ARMH3: variants seen among roughly 807,000 people sequenced by gnomAD.
The protein encoded by ARMH3 is armadillo-like helical domain-containing protein 3.
ARMH3 carries 60 observed loss-of-function variants against 99.1 expected under a neutral mutation model. The ratio of observed to expected loss-of-function variants is 0.61; its 90% CI spans 0.49 to 0.75. ARMH3 has a LOEUF of 0.75. ARMH3 is among the 30% of genes least tolerant of loss of function. The pLI is 0.00. For missense variants in ARMH3, 679 were observed against 843.1 expected (o/e 0.81, Z 2.41); for synonymous variants, 285 against 292.8 (o/e 0.97, Z 0.27).
intron 15 of ARMH3, 104 bp downstream of exon 15, chr10:102,001,867 A>G: frequency 9.7e-7 from 1 of 1,034,344 alleles, no homozygotes; most frequent in Non-Finnish European, 1.5e-6. Context: ...ACAAGGCCCC[A>G]ATAGTTCATC....
At chr10:101,960,567 T>A (rs914966178) in intron 20 of ARMH3, among the ~76,000 whole-genome samples, 2 of 152,158 alleles carry the variant, frequency 1.3e-5, no homozygotes, top group Non-Finnish European at 2.9e-5. Flanking sequence ...TAGGACCTTG[T>A]CACCTGTTTA....
intron 19 of ARMH3, among the ~76,000 whole-genome samples, chr10:101,983,218 G>A (rs1846309844): frequency 6.6e-6 from 1 of 152,204 alleles, no homozygotes; most frequent in Admixed American, 6.5e-5. Flanking sequence ...CCCTAGCCCT[G>A]ACTTCCAGGG....
chr10:102,048,034 T>C (rs921119435), intron 1 of ARMH3, among the ~76,000 whole-genome samples: 1 of 152,192 alleles, frequency 6.6e-6, no homozygotes, highest in African/African-American at 2.4e-5. Flanking sequence ...TAAAAAGCCC[T>C]GCCCCAAGTA....
At position 102,002,028 on chromosome 10, in the gene ARMH3, T is replaced by C; in HGVS notation, c.1093A>G (p.Ser365Gly). 6.2e-7 allele frequency: 1 copy of C among 1,614,230 alleles called. No individual in the cohort carries two copies. Among genetic ancestry groups the C allele is most frequent in the South Asian group, 1.1e-5 (1 of 91,088 alleles). The change falls in exon 15 of 26, where the codon AGT (serine) becomes GGT (glycine). Residue 365 changes from serine to glycine, a missense_variant. Around this residue, in one of 3 missense-constraint regions of ARMH3, gnomAD observed 389 missense variants for 456.5 expected, o/e 0.85. Coordinates refer to ENST00000370033, the MANE Select transcript of ARMH3 (RefSeq NM_024541.3). ...TTTAAAAAGGTTATCAGTAGATTACTGGTCTGTACATCTGCATCCAGTGGG... is the reference window on the plus strand; with the variant it reads ...TTTAAAAAGGTTATCAGTAGATTACCGGTCTGTACATCTGCATCCAGTGGG... The part of the protein sequence containing the change: ...ELPLDADVQT[S>G]NLLITFLKYS...
intron 23 of ARMH3, among the ~76,000 whole-genome samples, chr10:101,903,703 C>T (rs994424350): frequency 6.6e-6 from 1 of 152,126 alleles, no homozygotes; most frequent in African/African-American, 2.4e-5. Context: ...AGGTTCATGC[C>T]TTCAACAAAT....
intron 19 of ARMH3, among the ~76,000 whole-genome samples, chr10:101,977,581 CCTCT>C (rs1026021367): frequency 2.0e-5 from 3 of 152,038 alleles, no homozygotes; most frequent in Admixed American, 6.6e-5. Flanking sequence ...GAATGTTTGC[CCTCT>C]CTCTAACTCA....
intron 25 of ARMH3, 146 bp downstream of exon 25, chr10:101,849,630 G>C (rs768768535): frequency 4.4e-6 from 3 of 676,376 alleles, no homozygotes; most frequent in Non-Finnish European, 5.2e-6. Flanking sequence ...TTACTGCCTG[G>C]TACAATGGGG....
intron 24 of ARMH3, among the ~76,000 whole-genome samples, chr10:101,887,323 C>T (rs927297878): frequency 1.3e-5 from 2 of 152,114 alleles, no homozygotes; most frequent in African/African-American, 2.4e-5. Flanking sequence ...AGAGCAATGA[C>T]TAAGATTATT....
At chr10:101,857,233 G>A (rs971303476) in intron 24 of ARMH3, among the ~76,000 whole-genome samples, 6 of 152,060 alleles carry the variant, frequency 3.9e-5, no homozygotes, top group Admixed American at 2.0e-4. Context: ...CGAGGTGGGC[G>A]GATCACTTGA....
intron 24 of ARMH3, among the ~76,000 whole-genome samples, chr10:101,854,867 G>T (rs945671559): frequency 9.9e-5 from 15 of 151,416 alleles, no homozygotes; most frequent in Admixed American, 9.9e-4. Context: ...ATTAACGATT[G>T]TACAATGCCT....
chr10:102,045,435 T>C (rs1428032242), intron 1 of ARMH3, among the ~76,000 whole-genome samples: 1 of 152,104 alleles, frequency 6.6e-6, no homozygotes, highest in Non-Finnish European at 1.5e-5. Context: ...TTTGAGGAAA[T>C]GGCACTTGGG....
intron 4 of ARMH3, among the ~76,000 whole-genome samples, chr10:102,031,762 C>T (rs1234539048): frequency 4.0e-5 from 6 of 151,420 alleles, no homozygotes; most frequent in Admixed American, 1.3e-4. Context: ...TTTTTTGAGA[C>T]GGAGTCTCGC....
At chr10:102,033,585 A>G (rs936400688) in intron 2 of ARMH3, 7 of 393,944 alleles carry the variant, frequency 1.8e-5, no homozygotes, top group Non-Finnish European at 3.2e-5. Context: ...CGCCCGGCTA[A>G]TTTTTTGTAT....
chr10:102,022,354 T>C (rs962710730), intron 8 of ARMH3, among the ~76,000 whole-genome samples: 3 of 150,312 alleles, frequency 2.0e-5, no homozygotes, highest in African/African-American at 7.3e-5. Context: ...TAGCCGGGCG[T>C]GGTGGTGGGC....
At chr10:102,002,947 C>A (rs1023403956) in intron 14 of ARMH3, among the ~76,000 whole-genome samples, 3 of 144,456 alleles carry the variant, frequency 2.1e-5, no homozygotes, top group East Asian at 2.1e-4. Context: ...GGTGACACAG[C>A]GAGACTCTGT....
intron 20 of ARMH3, 76 bp from the exon 21 acceptor site, chr10:101,957,808 T>A (rs1845109043): frequency 6.7e-7 from 1 of 1,486,658 alleles, no homozygotes; most frequent in South Asian, 1.3e-5. Flanking sequence ...ACAGACTAGC[T>A]CTAAAAAAAA....
intron 13 of ARMH3, among the ~76,000 whole-genome samples, chr10:102,008,847 G>C (rs984373293): frequency 6.6e-6 from 1 of 152,066 alleles, no homozygotes; most frequent in Non-Finnish European, 1.5e-5. Context: ...TTACAGGCGT[G>C]AGCCACAGCG....
At chr10:101,868,799 C>T (rs189511730) in intron 24 of ARMH3, among the ~76,000 whole-genome samples, 407 of 152,228 alleles carry the variant, frequency 2.7e-3, no homozygotes, top group African/African-American at 9.1e-3. Context: ...GGGCCAGGCA[C>T]GGTGGCTCAC....
chr10:102,036,678 G>T (rs1264297683), intron 2 of ARMH3, among the ~76,000 whole-genome samples: 1 of 151,918 alleles, frequency 6.6e-6, no homozygotes, highest in East Asian at 1.9e-4. Flanking sequence ...GAAGGCAGCA[G>T]GCTCGTTAAG....
Sources: gnomAD v4.1 joint callset for allele counts (sites outside exome capture counted in the v4.1 genomes callset) on GRCh38, gnomAD v4.1.1 for gene constraint, gnomAD v4.1.1 regional missense constraint, MANE v1.5 for transcripts, NCBI Gene and HGNC (gene_info 2026-07-23, HGNC 2026-07-21) for gene names.